The following FAM161A variants were observed in gnomAD, a reference collection of about 807,000 sequenced individuals.
FAM161A encodes the protein FAM161 centrosomal protein A.
A neutral mutation model predicts 70.9 loss-of-function variants in FAM161A; 57 were observed. That is an observed-to-expected ratio of 0.80 (90% CI 0.65 to 1.00). The LOEUF (loss-of-function observed/expected upper bound fraction) is 1.00, where lower values mean the gene tolerates loss of function less well. Ranked by LOEUF, FAM161A falls within the 50% of genes least tolerant of loss-of-function variation. The pLI is 0.00. For synonymous variants in FAM161A, 299 were observed against 295.7 expected (o/e 1.01, Z -0.12); for missense variants, 880 against 836.0 (o/e 1.05, Z -0.65).
the FAM161A span, among the ~76,000 whole-genome samples, chr2:61,804,768 G>GAAAGAAGAA: frequency 7.6e-5 from 9 of 119,038 alleles, no homozygotes; most frequent in African/African-American, 2.9e-4. Context: ...GAAAAAGAAA[G>GAAAGAAGAA]AGAAAGAAAG....
chr2:61,803,141 A>C, the FAM161A span: 2 of 464,858 alleles, frequency 4.3e-6, no homozygotes, highest in East Asian at 1.0e-4. Flanking sequence ...CAGAGGAAAC[A>C]GATGCTCATT....
the FAM161A span, among the ~76,000 whole-genome samples, chr2:61,810,517 G>T: frequency 7.4e-6 from 1 of 134,870 alleles, no homozygotes; most frequent in Admixed American, 8.3e-5. Context: ...GGAGTGCAAT[G>T]GTGTGATCTC....
intron 6 of FAM161A, 105 bp from the exon 7 acceptor site, chr2:61,826,704 T>C: frequency 1.1e-6 from 1 of 947,092 alleles, no homozygotes; most frequent in Non-Finnish European, 1.6e-6. Flanking sequence ...TCCTCAAGTG[T>C]ATGAATTCCA....
chr2:61,838,944 G>A (rs562174770), intron 3 of FAM161A, among the ~76,000 whole-genome samples: 6 of 150,460 alleles, frequency 4.0e-5, no homozygotes, highest in African/African-American at 7.4e-5. Context: ...GTGCCATGGC[G>A]TGATCTCGGC....
At chr2:61,812,052 A>G in the FAM161A span, among the ~76,000 whole-genome samples, 1 of 152,050 alleles carries the variant, frequency 6.6e-6, no homozygotes, top group Non-Finnish European at 1.5e-5. Flanking sequence ...TGCCTCCCCC[A>G]GTCATCCACA....
At chr2:61,823,443 C>T (rs1203665909), downstream of FAM161A, among the ~76,000 whole-genome samples, 1 of 149,226 alleles carries the variant, frequency 6.7e-6, no homozygotes, top group Non-Finnish European at 1.5e-5. Flanking sequence ...GGGCTCACTG[C>T]AGCCTCAACC....
chr2:61,803,891 T>C, the FAM161A span, among the ~76,000 whole-genome samples: 7 of 152,088 alleles, frequency 4.6e-5, no homozygotes, highest in African/African-American at 1.7e-4. Flanking sequence ...GGAAAGGGGT[T>C]CCCATCCAGA....
At position 61,839,074 on chromosome 2, in the gene FAM161A, G is replaced by A. The variant is rs1672894937; in HGVS notation, c.1583+347C>T. ...ATTTTTTGTATTTTTAGTAGAGATG[G>A]GGGTTTCATTATCTCGGCCAGGGTG... On this transcript the variant is annotated intron_variant, in intron 3 of 6. Transcript: ENST00000404929. 6.6e-5 allele frequency among the ~76,000 whole-genome samples: 10 copies of A among 151,546 alleles called. No homozygotes were observed. In the South Asian group the frequency reaches 1.9e-3, roughly 28 times the overall value.
the FAM161A span, among the ~76,000 whole-genome samples, chr2:61,809,263 C>T: frequency 6.6e-6 from 1 of 152,176 alleles, no homozygotes; most frequent in African/African-American, 2.4e-5. Context: ...CCTTTGCTGG[C>T]CCCTCTTGCT....
At chr2:61,804,818 G>GAAAGAAAGAAAGAAAGAAAGAA in the FAM161A span, among the ~76,000 whole-genome samples, 4 of 110,066 alleles carry the variant, frequency 3.6e-5, no homozygotes, top group Admixed American at 2.8e-4. Context: ...AAGAAAGAAA[G>GAAAGAAAGAAAGAAAGAAAGAA]AGAAAGAGAA....
chr2:61,843,799 G>A (rs539432200), intron 1 of FAM161A, among the ~76,000 whole-genome samples: 65 of 152,148 alleles, frequency 4.3e-4, no homozygotes, highest in African/African-American at 1.5e-3. Context: ...GCATACAAGA[G>A]GACAATGTTG....
In FAM161A at chr2:61,825,259, T is replaced by C. The variant is rs1028655585; in HGVS notation, c.*1196A>G. On this transcript the variant is annotated 3_prime_UTR_variant, in exon 7 of 7. Transcript: ENST00000404929. Reference sequence around the variant, plus strand: ...TAGATTTATAAAATCAGATTAACACTGTACACAGAGAGATAAAGTGTGTTG... The same window carrying C: ...TAGATTTATAAAATCAGATTAACACCGTACACAGAGAGATAAAGTGTGTTG... 2.2e-5 allele frequency: 10 copies of C among 453,608 alleles called. No homozygotes were observed. Among genetic ancestry groups the C allele is most frequent in the Non-Finnish European group, 3.5e-5 (8 of 226,694 alleles). 28.1% of individuals were successfully genotyped at this position (453,608 alleles called of 1,614,324 possible). A position where few individuals can be genotyped will look rare whatever the true frequency, so the allele number is the denominator to read the frequency against.
At chr2:61,804,805 A>AGAAAGAAAGAAAGAAAGAAAGAAG in the FAM161A span, among the ~76,000 whole-genome samples, 1 of 149,686 alleles carries the variant, frequency 6.7e-6, no homozygotes, top group East Asian at 2.0e-4. Flanking sequence ...AAAGAAAGAA[A>AGAAAGAAAGAAAGAAAGAAAGAAG]GAAAGAAAGA....
At chr2:61,849,988 G>T (rs1349203455) in intron 1 of FAM161A, among the ~76,000 whole-genome samples, 1 of 150,646 alleles carries the variant, frequency 6.6e-6, no homozygotes, top group Non-Finnish European at 1.5e-5. Flanking sequence ...AGGGAGGGAG[G>T]GAGGGCGGCG....
chr2:61,848,450 G>C (rs1042233140), intron 1 of FAM161A, among the ~76,000 whole-genome samples: 3 of 151,734 alleles, frequency 2.0e-5, no homozygotes, highest in Non-Finnish European at 2.9e-5. Context: ...AAATAACCTA[G>C]GCCATAGACA....
At chr2:61,804,404 A>G in the FAM161A span, among the ~76,000 whole-genome samples, 1 of 151,866 alleles carries the variant, frequency 6.6e-6, no homozygotes, top group Non-Finnish European at 1.5e-5. Context: ...TTCAAGATGG[A>G]GTTGCTCTGG....
At chr2:61,831,385 A>T (rs1672570073) in intron 5 of FAM161A, among the ~76,000 whole-genome samples, 2 of 152,146 alleles carry the variant, frequency 1.3e-5, no homozygotes. Flanking sequence ...ACAGAAAAAA[A>T]TAACATATCA....
intron 5 of FAM161A, among the ~76,000 whole-genome samples, chr2:61,827,471 G>A (rs546737810): frequency 1.3e-3 from 201 of 152,056 alleles, no homozygotes; most frequent in Non-Finnish European, 2.4e-3. Flanking sequence ...TTAGCCGGGC[G>A]TGGTGGTGGC....
intron 4 of FAM161A, among the ~76,000 whole-genome samples, chr2:61,838,097 A>G (rs908990021): frequency 1.3e-5 from 2 of 152,258 alleles, no homozygotes; most frequent in Non-Finnish European, 2.9e-5. Flanking sequence ...ACAAAATGCA[A>G]CACATACTAC....
Sources: allele counts gnomAD v4.1 joint callset (sites outside exome capture counted in the v4.1 genomes callset), GRCh38; gene constraint gnomAD v4.1.1; transcripts MANE v1.5; gene names NCBI Gene and HGNC (gene_info 2026-07-23, HGNC 2026-07-21).